The following CHSY3 variants were observed in gnomAD, a reference collection of about 807,000 sequenced individuals.
The protein encoded by CHSY3 is chondroitin sulfate synthase 3, also known as N-acetylgalactosaminyl-proteoglycan 3-beta-glucuronosyltransferase 3.
Under a neutral mutation model 67.2 loss-of-function variants are expected in CHSY3, and 35 were observed. That is an observed-to-expected ratio of 0.52 (90% CI 0.40 to 0.69). The LOEUF (loss-of-function observed/expected upper bound fraction) is 0.69. CHSY3 is among the 30% of genes least tolerant of loss of function. The probability of loss-of-function intolerance (pLI) is 0.00; values close to 1 mark genes in which losing one functional copy is unlikely to be tolerated. For missense variants in CHSY3, 1,069 were observed against 1,138.5 expected (o/e 0.94, Z 0.88); for synonymous variants, 474 against 434.7 (o/e 1.09, Z -1.12).
chr5:130,107,628 G>A (rs1480910780), intron 2 of CHSY3, among the ~76,000 whole-genome samples: 1 of 151,576 alleles, frequency 6.6e-6, no homozygotes, highest in Non-Finnish European at 1.5e-5. Flanking sequence ...ACTCTTTGTA[G>A]TATTACATGT....
chr5:130,009,812 A>G lies in CHSY3; in HGVS notation c.1086+101452A>G, dbSNP rs547409154. On this transcript the variant is annotated intron_variant, in intron 2 of 2. Coordinates refer to ENST00000305031, the MANE Select transcript of CHSY3 (RefSeq NM_175856.5). ...ATAGAGAAAAATCCATCAAGAAAAC[A>G]GAAAACATGAGGAAAGGTAGCTGTT... 2.0e-5 allele frequency among the ~76,000 whole-genome samples: 3 copies of G among 152,282 alleles called. No homozygotes were observed. In the East Asian group the frequency reaches 5.8e-4, roughly 29 times the overall value.
chr5:129,981,264 T>G (rs1762978572), intron 2 of CHSY3, among the ~76,000 whole-genome samples: 1 of 151,970 alleles, frequency 6.6e-6, no homozygotes, highest in Non-Finnish European at 1.5e-5. Flanking sequence ...TGTGGATCTA[T>G]TTCTGAGCTT....
intron 2 of CHSY3, among the ~76,000 whole-genome samples, chr5:130,168,411 A>G (rs1580795913): frequency 1.3e-5 from 2 of 152,220 alleles, no homozygotes; most frequent in African/African-American, 4.8e-5. Flanking sequence ...AATTACGAAA[A>G]TAGTAAAGAG....
intron 2 of CHSY3, among the ~76,000 whole-genome samples, chr5:130,143,796 A>ATATATGTGTG (rs1768973670): frequency 8.7e-5 from 8 of 92,248 alleles, no homozygotes; most frequent in Non-Finnish European, 1.2e-4. Flanking sequence ...ATATATATAT[A>ATATATGTGTG]TATATATATG....
At chr5:129,951,005 T>C (rs930100796) in intron 2 of CHSY3, among the ~76,000 whole-genome samples, 2 of 152,158 alleles carry the variant, frequency 1.3e-5, no homozygotes, top group African/African-American at 2.4e-5. Context: ...TACACAGCTA[T>C]AGTACTCAAA....
chr5:129,975,974 T>C (rs1434721894), intron 2 of CHSY3, among the ~76,000 whole-genome samples: 1 of 152,152 alleles, frequency 6.6e-6, no homozygotes, highest in Non-Finnish European at 1.5e-5. Flanking sequence ...TAAGCAGTTG[T>C]GTTCAGAGTT....
intron 1 of CHSY3, 38 bp downstream of exon 1, chr5:129,905,669 C>G: frequency 6.2e-7 from 1 of 1,602,704 alleles, no homozygotes; most frequent in South Asian, 1.1e-5. Flanking sequence ...CTGCCAGTCT[C>G]CCCGACTCCT....
At chr5:130,167,884 A>G (rs774827249) in intron 2 of CHSY3, among the ~76,000 whole-genome samples, 5 of 152,108 alleles carry the variant, frequency 3.3e-5, no homozygotes, top group Non-Finnish European at 7.4e-5. Flanking sequence ...TAATGTAGAA[A>G]AAAATCTAGG....
chr5:130,053,904 C>G (rs1765445568), intron 2 of CHSY3, among the ~76,000 whole-genome samples: 1 of 152,098 alleles, frequency 6.6e-6, no homozygotes. Context: ...GAAAATTCAT[C>G]ATGAGATATC....
At chr5:129,910,803 C>T (rs1760512403) in intron 2 of CHSY3, among the ~76,000 whole-genome samples, 1 of 151,938 alleles carries the variant, frequency 6.6e-6, no homozygotes, top group South Asian at 2.1e-4. Flanking sequence ...AAAGATTGGT[C>T]TATTCTACTC....
chr5:129,913,893 T>G (rs557644613), intron 2 of CHSY3, among the ~76,000 whole-genome samples: 1 of 152,342 alleles, frequency 6.6e-6, no homozygotes, highest in East Asian at 1.9e-4. Flanking sequence ...TGTTCAATCT[T>G]AGTTTCTTAA....
chr5:130,112,002 A>G (rs1254545850), intron 2 of CHSY3, among the ~76,000 whole-genome samples: 1 of 152,134 alleles, frequency 6.6e-6, no homozygotes, highest in Non-Finnish European at 1.5e-5. Context: ...TGGATTAAAC[A>G]GTTTTCTTAA....
chr5:129,988,514 TC>T (rs1322050668), intron 2 of CHSY3, among the ~76,000 whole-genome samples: 3 of 152,218 alleles, frequency 2.0e-5, no homozygotes, highest in African/African-American at 7.2e-5. Context: ...CTCTGCCATT[TC>T]AGAGCACACA....
intron 2 of CHSY3, among the ~76,000 whole-genome samples, chr5:130,160,903 T>TTATTTATTTATTTATTTA (rs1285322372): frequency 1.4e-5 from 2 of 144,028 alleles, no homozygotes; most frequent in African/African-American, 5.4e-5. Flanking sequence ...TTATTTTTTT[T>TTATTTATTTATTTATTTA]TTTTTATTTT....
At chr5:129,941,542 A>G (rs1761698236) in intron 2 of CHSY3, among the ~76,000 whole-genome samples, 1 of 152,164 alleles carries the variant, frequency 6.6e-6, no homozygotes, top group Non-Finnish European at 1.5e-5. Context: ...TTGATAAAGC[A>G]AAGCCCATTT....
At chr5:130,058,513 G>A (rs763164640) in intron 2 of CHSY3, among the ~76,000 whole-genome samples, 14 of 152,068 alleles carry the variant, frequency 9.2e-5, no homozygotes, top group Non-Finnish European at 1.9e-4. Context: ...TGTAATCCCA[G>A]CTACTTGGGG....
At chr5:129,914,087 C>T (rs956534762) in intron 2 of CHSY3, among the ~76,000 whole-genome samples, 1 of 152,064 alleles carries the variant, frequency 6.6e-6, no homozygotes, top group Non-Finnish European at 1.5e-5. Context: ...GCTGCACATC[C>T]TTCTTAGCTT....
intron 2 of CHSY3, among the ~76,000 whole-genome samples, chr5:130,008,366 C>G (rs535841983): frequency 1.3e-5 from 2 of 152,314 alleles, no homozygotes; most frequent in Admixed American, 1.3e-4. Context: ...CTAAACTGAG[C>G]CTTGGCCCCC....
intron 2 of CHSY3, among the ~76,000 whole-genome samples, chr5:129,993,308 G>A (rs1375858348): frequency 6.6e-6 from 1 of 152,104 alleles, no homozygotes; most frequent in East Asian, 1.9e-4. Context: ...TGACAGTGGG[G>A]TGTTAAAGTC....
Sources: gnomAD v4.1 joint callset for allele counts (sites outside exome capture counted in the v4.1 genomes callset) on GRCh38, gnomAD v4.1.1 for gene constraint, MANE v1.5 for transcripts, NCBI Gene and HGNC (gene_info 2026-07-23, HGNC 2026-07-21) for gene names.